Variants in DOT1L observed in about 807,000 individuals in gnomAD.
DOT1L encodes the protein histone-lysine N-methyltransferase, H3 lysine-79 specific.
Under a neutral mutation model 153.3 loss-of-function variants are expected in DOT1L, and 33 were observed. The ratio of observed to expected loss-of-function variants is 0.22; its 90% CI spans 0.16 to 0.29. DOT1L has a LOEUF of 0.29. DOT1L is among the 10% of genes least tolerant of loss of function. The pLI is 1.00. For synonymous variants in DOT1L, 1,135 were observed against 965.1 expected (o/e 1.18, Z -3.26); for missense variants, 1,847 against 2,119.9 (o/e 0.87, Z 2.53).
chr19:2,211,919 G>C (rs550347850), intron 16 of DOT1L, 77 bp downstream of exon 16: 8 of 1,394,540 alleles, frequency 5.7e-6, no homozygotes, highest in Non-Finnish European at 6.8e-6. Flanking sequence ...TCTGTCCCCT[G>C]TGGCAGAGGC....
At chr19:2,211,432 A>T (rs1259269532) in intron 15 of DOT1L, among the ~76,000 whole-genome samples, 1 of 152,140 alleles carries the variant, frequency 6.6e-6, no homozygotes. Flanking sequence ...GCTGGGTGAC[A>T]CTTGGGACGT....
chr19:2,225,748 C>T (rs1009200564), intron 26 of DOT1L, among the ~76,000 whole-genome samples: 3 of 152,198 alleles, frequency 2.0e-5, no homozygotes, highest in Non-Finnish European at 4.4e-5. Context: ...CACCTTGGGT[C>T]CCCTGTTTGC....
chr19:2,214,298 G>A (rs1568360026), intron 18 of DOT1L, 173 bp from the exon 19 acceptor site: 4 of 1,177,430 alleles, frequency 3.4e-6, no homozygotes, highest in Non-Finnish European at 4.6e-6. Flanking sequence ...TCCGTGGGGG[G>A]CCCCAGTCTC....
At position 2,230,357 on chromosome 19, in the gene DOT1L, G is replaced by A. The variant is rs894725074; in HGVS notation, c.*565G>A. 4.9e-6 allele frequency: 2 copies of A among 411,448 alleles called. No individual in the cohort carries two copies. The highest frequency in any genetic ancestry group is 7.1e-5 in the East Asian group (2 of 28,252). The allele number at this position is 411,448 out of a possible 1,614,324, so 25.5% of individuals were successfully genotyped here. A position where few individuals can be genotyped will look rare whatever the true frequency, so the allele number is the denominator to read the frequency against. On this transcript the variant is annotated 3_prime_UTR_variant, in exon 28 of 28. Coordinates refer to ENST00000398665, the MANE Select transcript of DOT1L (RefSeq NM_032482.3). Reference sequence around the variant, plus strand: ...CCTGAGCCCCTTCCTGAGCGCCCTGGCGCCTGCCCTGAGCTCTTCACCTTT... The same window carrying A: ...CCTGAGCCCCTTCCTGAGCGCCCTGACGCCTGCCCTGAGCTCTTCACCTTT...
At chr19:2,214,170 G>A (rs767386490) in intron 18 of DOT1L, 184 bp downstream of exon 18, 27 of 1,099,478 alleles carry the variant, frequency 2.5e-5, no homozygotes, top group Non-Finnish European at 3.2e-5. Context: ...TGGGCCCCTC[G>A]GCTGGATGGT....
Position 2,226,729 on chromosome 19 carries a change from C to T in DOT1L, c.4208C>T (p.Thr1403Ile), listed in dbSNP as rs200561588. The T allele has an allele frequency of 8.3e-5, 130 of 1,559,716 alleles. No homozygotes were observed. The highest frequency in any genetic ancestry group is 1.0e-4 in the Non-Finnish European group (116 of 1,158,550). ...GLPLCGPTDKTPLLSGKAAKA... is the reference protein window; with the variant it reads ...GLPLCGPTDKIPLLSGKAAKA... The stretch of plus-strand genomic sequence containing the variant: ...CCGCTGTGCGGGCCCACGGACAAGA[C>T]CCCACTGCTGAGCGGCAAGGCCGCC... The change falls in exon 27 of 28, where the codon ACC becomes ATC. Residue 1403 changes from threonine (T) to isoleucine (I), a missense_variant. Thr to Ile is a moderately conservative substitution (Grantham distance 89). Around this residue, in one of 8 missense-constraint regions of DOT1L, gnomAD observed 934 missense variants for 825.3 expected, o/e 1.13. Coordinates refer to ENST00000398665, the MANE Select transcript of DOT1L (RefSeq NM_032482.3).
Position 2,217,995 on chromosome 19 carries a change from C to G in DOT1L, c.2691+77C>G. 1 of 1,542,696 alleles carries G rather than the reference C, an allele frequency of 6.5e-7. No homozygotes were observed. The highest frequency in any genetic ancestry group is 1.4e-5 in the African/African-American group (1 of 74,056). Reference sequence around the variant, plus strand: ...TCTGGGGTGCTCGAGACCTGGCTCACTTTGCGAAGTCTCACGCTGTAAAAT... The same window carrying G: ...TCTGGGGTGCTCGAGACCTGGCTCAGTTTGCGAAGTCTCACGCTGTAAAAT... On this transcript the variant is annotated intron_variant, in intron 22 of 27. Transcript: ENST00000398665. The surrounding 1 kb of genome is among the most constrained non-coding windows in gnomAD (Gnocchi z 7.3).
intron 27 of DOT1L, 112 bp downstream of exon 27, chr19:2,227,239 C>G (rs755026844): frequency 3.6e-6 from 5 of 1,387,984 alleles, no homozygotes; most frequent in Admixed American, 3.4e-5. Flanking sequence ...TGCAGGTCCC[C>G]TGGTGCCGGC....
At chr19:2,226,138 G>A in intron 26 of DOT1L, 45 bp from the exon 27 acceptor site, 1 of 1,487,744 alleles carries the variant, frequency 6.7e-7, no homozygotes, top group East Asian at 2.4e-5. Context: ...GGGTAGCCCG[G>A]GCAGGTGCTC....
At chr19:2,172,869 G>C (rs966107051) in intron 1 of DOT1L, among the ~76,000 whole-genome samples, 4 of 151,406 alleles carry the variant, frequency 2.6e-5, no homozygotes, top group Non-Finnish European at 5.9e-5. Flanking sequence ...AAGTTCACCT[G>C]TTTTAGGCTG....
At chr19:2,196,715 C>T (rs910922809) in intron 7 of DOT1L, among the ~76,000 whole-genome samples, 10 of 152,202 alleles carry the variant, frequency 6.6e-5, no homozygotes, top group Non-Finnish European at 1.5e-4. Flanking sequence ...TGCCTTTCCT[C>T]TCCCTTTCCC....
At position 2,217,113 on chromosome 19, in the gene DOT1L, C is replaced by T. The variant is rs189016021; in HGVS notation, c.2544+23C>T. 424 of 1,567,554 alleles carry T rather than the reference C, an allele frequency of 2.7e-4. 1 individual carries two copies. In the African/African-American group the frequency reaches 3.3e-3, roughly 12 times the overall value. ...AAGGTGCGGGCCGCGACCCCTGCCC[C>T]GGGCTCAGGGAGGTGCTCAGCAGAG... On this transcript the variant is annotated intron_variant, in intron 21 of 27. Transcript: ENST00000398665. The surrounding 1 kb of genome is among the most constrained non-coding windows in gnomAD (Gnocchi z 7.3).
chr19:2,187,479 C>G (rs538289951), intron 3 of DOT1L, among the ~76,000 whole-genome samples: 8 of 152,204 alleles, frequency 5.3e-5, no homozygotes, highest in Non-Finnish European at 8.8e-5. Flanking sequence ...CCTGAGGGAC[C>G]GAGCCATTAG....
At chr19:2,212,901 C>G (rs1160022693) in intron 16 of DOT1L, 1 of 152,272 alleles carries the variant, frequency 6.6e-6, no homozygotes, top group Non-Finnish European at 1.5e-5. Flanking sequence ...GGTGGAAGTT[C>G]TGGCGGCCCA....
Position 2,216,271 on chromosome 19 carries a change from C to A in DOT1L, c.1924-10C>A. On this transcript the variant is annotated splice_polypyrimidine_tract_variant and intron_variant, in intron 19 of 27. Coordinates refer to ENST00000398665, the MANE Select transcript of DOT1L (RefSeq NM_032482.3). ...GTGGGGCGGGCCTGACACCATCTCT[C>A]CTCCTGCAGATCAGCATTGTGGAGC... 6.4e-7 allele frequency: 1 copy of A among 1,557,630 alleles called. No individual in the cohort carries two copies. Among genetic ancestry groups the A allele is most frequent in the East Asian group, 2.3e-5 (1 of 44,096 alleles).
In DOT1L at chr19:2,226,856, C is replaced by T. The variant is rs2302062; in HGVS notation, c.4335C>T (p.Ala1445=). The T allele has an allele frequency of 1.5e-3, 2,349 of 1,578,406 alleles. 52 individuals are homozygous for T. The East Asian group carries it at 0.043, about 29-fold the overall frequency. Residue 1445 remains alanine, a synonymous_variant, in exon 27 of 28, where the codon GCC becomes GCT. Transcript: ENST00000398665. ...PGSLLSGPGL[A]PAASSAGGAA... ...GCCTCCTCAGCGGCCCCGGCCTGGC[C>T]CCGGCGGCGTCCTCCGCAGGCGGCG...
At chr19:2,167,734 C>CTTTT (rs66826356) in intron 1 of DOT1L, among the ~76,000 whole-genome samples, 6 of 134,700 alleles carry the variant, frequency 4.5e-5, no homozygotes, top group South Asian at 2.3e-4. Context: ...CTTTTCTTTT[C>CTTTT]TTTTTTTTTT....
In DOT1L at chr19:2,226,841, C is replaced by G; in HGVS notation, c.4320C>G (p.Ser1440Arg). 4 of 1,578,232 alleles carry G rather than the reference C, an allele frequency of 2.5e-6. No homozygotes were observed. The highest frequency in any genetic ancestry group is 3.4e-6 in the Non-Finnish European group (4 of 1,170,934). The change falls in exon 27 of 28, where the codon AGC (serine) becomes AGG (arginine). Residue 1440 changes from serine (S) to arginine (R), a missense_variant. Around this residue, in one of 8 missense-constraint regions of DOT1L, gnomAD observed 934 missense variants for 825.3 expected, o/e 1.13. Coordinates refer to ENST00000398665, the MANE Select transcript of DOT1L (RefSeq NM_032482.3). ...AAAVPPGSLL[S>R]GPGLAPAASS... ...CCGTGCCTCCCGGAAGCCTCCTCAG[C>G]GGCCCCGGCCTGGCCCCGGCGGCGT... is the stretch of plus-strand genomic sequence containing the variant.
At chr19:2,189,891 C>T in intron 4 of DOT1L, 96 bp downstream of exon 4, 1 of 1,339,654 alleles carries the variant, frequency 7.5e-7, no homozygotes, top group Non-Finnish European at 1.1e-6. Context: ...ACAGAGCTCC[C>T]CTTAGAGCCC....
Sources: gnomAD v4.1 joint callset for allele counts (sites outside exome capture counted in the v4.1 genomes callset) on GRCh38, gnomAD v4.1.1 for gene constraint, gnomAD v4.1.1 regional missense constraint, Gnocchi (gnomAD v3.1) non-coding constraint, MANE v1.5 for transcripts, NCBI Gene and HGNC (gene_info 2026-07-23, HGNC 2026-07-21) for gene names.